BAALC: variants seen among roughly 807,000 people sequenced by gnomAD.
BAALC encodes BAALC binder of MAP3K1 and KLF4, also known as brain and acute leukemia cytoplasmic protein.
In BAALC, 9 loss-of-function variants were observed where a neutral mutation model predicts 15.5. The observed-to-expected ratio is 0.58, with a 90% CI of 0.35 to 1.02. The LOEUF is 1.02. Ranked by LOEUF, BAALC falls within the 50% of genes least tolerant of loss-of-function variation. The pLI is 0.02. For missense variants in BAALC, 201 were observed against 192.4 expected (o/e 1.04, Z -0.27); for synonymous variants, 80 against 74.6 (o/e 1.07, Z -0.37).
chr8:103,211,811 T>C (rs756136893), intron 1 of BAALC, among the ~76,000 whole-genome samples: 22 of 152,226 alleles, frequency 1.4e-4, no homozygotes, highest in Non-Finnish European at 2.8e-4. Flanking sequence ...AGCACTGCCC[T>C]TCTCTCTAGT....
rs73282194 is a variant in BAALC at position 103,227,785 on chromosome 8, T to C, written c.328-204T>C. Among the ~76,000 whole-genome samples, 852 of 152,258 alleles carry C rather than the reference T, an allele frequency of 5.6e-3. 7 individuals are homozygous for C. The highest frequency in any genetic ancestry group is 0.019 in the African/African-American group (807 of 41,542). On this transcript the variant is annotated intron_variant, in intron 2 of 2. Transcript: ENST00000309982. ...TTCCTCTTTCCCTTACTGCCCACTCTTTCCCCCTTAAATAGTGAAGTCCTC... is the reference window on the plus strand; with the variant it reads ...TTCCTCTTTCCCTTACTGCCCACTCCTTCCCCCTTAAATAGTGAAGTCCTC...
chr8:103,212,871 T>A (rs764039300), intron 1 of BAALC, 48 bp from the exon 2 acceptor site: 2 of 1,550,540 alleles, frequency 1.3e-6, no homozygotes, highest in Non-Finnish European at 1.7e-6. Flanking sequence ...GTTTGCAACA[T>A]CTGCCATGTG....
At chr8:103,184,806 C>T (rs1383435189) in intron 1 of BAALC, among the ~76,000 whole-genome samples, 2 of 152,236 alleles carry the variant, frequency 1.3e-5, no homozygotes, top group Non-Finnish European at 2.9e-5. Context: ...GAACTGGTGA[C>T]TGTTCAGCTG....
At chr8:103,168,313 A>G (rs577217252) in intron 1 of BAALC, among the ~76,000 whole-genome samples, 1 of 152,238 alleles carries the variant, frequency 6.6e-6, no homozygotes, top group East Asian at 1.9e-4. Context: ...GGCCTGATCT[A>G]TTGATTACCC....
At chr8:103,175,617 G>A (rs919590426) in intron 1 of BAALC, among the ~76,000 whole-genome samples, 3 of 152,218 alleles carry the variant, frequency 2.0e-5, no homozygotes, top group Non-Finnish European at 4.4e-5. Context: ...TATAGCAAGG[G>A]AGTTGAATTT....
At chr8:103,176,010 GC>G (rs1811599063) in intron 1 of BAALC, among the ~76,000 whole-genome samples, 1 of 152,174 alleles carries the variant, frequency 6.6e-6, no homozygotes, top group African/African-American at 2.4e-5. Context: ...CTCAAGCCAA[GC>G]TTTGCTTTAC....
intron 2 of BAALC, among the ~76,000 whole-genome samples, chr8:103,217,643 AT>A (rs1309138736): frequency 6.6e-6 from 1 of 151,102 alleles, no homozygotes; most frequent in Non-Finnish European, 1.5e-5. Context: ...GTTCTTCGGC[AT>A]TTTTTTTTAA....
rs556664966 is a variant in BAALC at position 103,229,570 on chromosome 8, G to A, written c.*1471G>A. The A allele has an allele frequency of 6.6e-6, 1 of 152,282 alleles. No homozygotes were observed. Among genetic ancestry groups the A allele is most frequent in the East Asian group, 1.9e-4 (1 of 5,178 alleles). 9.4% of individuals were successfully genotyped at this position (152,282 alleles called of 1,614,324 possible). A position where few individuals can be genotyped will look rare whatever the true frequency, so the allele number is the denominator to read the frequency against. ...GCCAGGTACTATGCAGATGTTGAGG[G>A]ATTTGGGGTCTGGTTAGTCGTGACT... On this transcript the variant is annotated 3_prime_UTR_variant, in exon 3 of 3. Transcript: ENST00000309982.
chr8:103,162,580 A>G (rs1400404624), intron 1 of BAALC, among the ~76,000 whole-genome samples: 1 of 152,182 alleles, frequency 6.6e-6, no homozygotes, highest in Non-Finnish European at 1.5e-5. Context: ...AGCCCCAGTT[A>G]GCAAGGTAGA....
At chr8:103,177,229 C>T (rs1811627817) in intron 1 of BAALC, among the ~76,000 whole-genome samples, 1 of 147,644 alleles carries the variant, frequency 6.8e-6, no homozygotes, top group African/African-American at 2.5e-5. Context: ...CATTCTATTG[C>T]CCAGTGGGGT....
chr8:103,178,008 A>G (rs1030647255), intron 1 of BAALC, among the ~76,000 whole-genome samples: 1 of 152,242 alleles, frequency 6.6e-6, no homozygotes, highest in Non-Finnish European at 1.5e-5. Context: ...GATGGTTTTC[A>G]TTAATATAAT....
intron 1 of BAALC, among the ~76,000 whole-genome samples, chr8:103,210,101 G>A (rs72673337): frequency 0.071 from 10,747 of 152,274 alleles, 424 homozygotes; most frequent in Middle Eastern, 0.2. Flanking sequence ...TGAGACATGT[G>A]TACTGTGGTG....
rs911103369 is a variant in BAALC at position 103,140,828 on chromosome 8, G to C, written c.-70G>C. 2 of 1,294,216 alleles carry C rather than the reference G, an allele frequency of 1.5e-6. No homozygotes were observed. Among genetic ancestry groups the C allele is most frequent in the African/African-American group, 3.1e-5 (2 of 63,752 alleles). The allele number at this position is 1,294,216 out of a possible 1,614,324, so 80.2% of individuals were successfully genotyped here. Reference sequence around the variant, plus strand: ...CCGCCTCCTTGCGGGCCGGGGCTGCGCCTCCGGGGCTGAGCCGCCGCCAGA... The same window carrying C: ...CCGCCTCCTTGCGGGCCGGGGCTGCCCCTCCGGGGCTGAGCCGCCGCCAGA... On this transcript the variant is annotated 5_prime_UTR_variant, in exon 1 of 3. Transcript: ENST00000309982. The surrounding 1 kb of genome is among the most constrained non-coding windows in gnomAD (Gnocchi z 4.2).
intron 1 of BAALC, among the ~76,000 whole-genome samples, chr8:103,158,895 G>A (rs928765716): frequency 1.3e-5 from 2 of 152,102 alleles, no homozygotes; most frequent in African/African-American, 4.8e-5. Context: ...AGGGACAATT[G>A]TATTTGAATG....
chr8:103,188,089 G>A (rs547289339), intron 1 of BAALC, among the ~76,000 whole-genome samples: 1 of 152,238 alleles, frequency 6.6e-6, no homozygotes, highest in South Asian at 2.1e-4. Context: ...GGATAGGGCT[G>A]GCTTGGAGTA....
At chr8:103,202,730 A>C (rs1812245842) in intron 1 of BAALC, 1 of 152,252 alleles carries the variant, frequency 6.6e-6, no homozygotes, top group Non-Finnish European at 1.5e-5. Context: ...CTTTGGTGGG[A>C]TAGAGAGCTG....
chr8:103,182,837 C>T (rs1811756391), intron 1 of BAALC, among the ~76,000 whole-genome samples: 1 of 152,180 alleles, frequency 6.6e-6, no homozygotes, highest in African/African-American at 2.4e-5. Flanking sequence ...TAGCAAGAAA[C>T]TCAGAGGCAG....
chr8:103,155,599 G>A (rs557448944), intron 1 of BAALC, among the ~76,000 whole-genome samples: 2 of 152,372 alleles, frequency 1.3e-5, no homozygotes, highest in South Asian at 2.1e-4. Context: ...ACTCAGCTGT[G>A]ATCCTTTAGC....
chr8:103,214,457 G>A (rs1015569240), intron 2 of BAALC, among the ~76,000 whole-genome samples: 8 of 152,192 alleles, frequency 5.3e-5, no homozygotes, highest in Non-Finnish European at 2.9e-5. Context: ...GCTTAATCAG[G>A]TTAGTCCCCA....
Sources: gnomAD v4.1 joint callset for allele counts (sites outside exome capture counted in the v4.1 genomes callset) on GRCh38, gnomAD v4.1.1 for gene constraint, Gnocchi (gnomAD v3.1) non-coding constraint, MANE v1.5 for transcripts, NCBI Gene and HGNC (gene_info 2026-07-23, HGNC 2026-07-21) for gene names.